Variants in NOL10 observed in about 807,000 individuals in gnomAD.
NOL10 encodes H_NH0074G24.1.
A neutral mutation model predicts 103.5 loss-of-function variants in NOL10; 58 were observed. The ratio of observed to expected loss-of-function variants is 0.56; its 90% CI spans 0.45 to 0.70. The LOEUF (loss-of-function observed/expected upper bound fraction) is 0.70. Among genes scored for constraint, NOL10 ranks in the 30% least tolerant of loss-of-function variants. NOL10 has a pLI of 0.00. For missense variants in NOL10, 763 were observed against 807.3 expected, an observed-to-expected ratio of 0.95 and a Z score of 0.67; for synonymous variants, 287 against 282.5, an observed-to-expected ratio of 1.02 and a Z score of -0.16.
At chr2:10,653,036 A>G (rs1679582989) in intron 12 of NOL10, among the ~76,000 whole-genome samples, 1 of 152,110 alleles carries the variant, frequency 6.6e-6, no homozygotes, top group Admixed American at 6.5e-5. Flanking sequence ...TTTCTACTAA[A>G]AATACAAAAA....
intron 3 of NOL10, among the ~76,000 whole-genome samples, chr2:10,680,289 AAGG>A (rs1681648419): frequency 7.1e-6 from 1 of 140,820 alleles, no homozygotes; most frequent in Non-Finnish European, 1.5e-5. Flanking sequence ...GAAGGAGAAG[AAGG>A]AGAAGAAGGA....
intron 19 of NOL10, among the ~76,000 whole-genome samples, chr2:10,585,910 A>C (rs1486139451): frequency 6.6e-6 from 1 of 152,254 alleles, no homozygotes; most frequent in Non-Finnish European, 1.5e-5. Context: ...TATTGGTTGA[A>C]TTTATGGATA....
chr2:10,687,406 G>T (rs1351030765), intron 1 of NOL10, among the ~76,000 whole-genome samples: 4 of 152,138 alleles, frequency 2.6e-5, no homozygotes, highest in African/African-American at 9.7e-5. Context: ...ACATTTCCCA[G>T]TCTCCCCTTC....
chr2:10,624,431 A>T (rs1460840036), intron 13 of NOL10, among the ~76,000 whole-genome samples: 1 of 152,000 alleles, frequency 6.6e-6, no homozygotes, highest in African/African-American at 2.4e-5. Context: ...AGATATTAAA[A>T]CACAGTTATC....
intron 19 of NOL10, among the ~76,000 whole-genome samples, chr2:10,588,830 T>C (rs1329481727): frequency 6.6e-6 from 1 of 152,192 alleles, no homozygotes; most frequent in East Asian, 1.9e-4. Context: ...TAGAGACCAA[T>C]GTACTTCAAT....
chr2:10,666,855 TA>T (rs764533063), intron 8 of NOL10, among the ~76,000 whole-genome samples: 4 of 152,328 alleles, frequency 2.6e-5, no homozygotes, highest in Non-Finnish European at 4.4e-5. Context: ...ATTCAAGTGT[TA>T]CCTCTGGGGT....
intron 3 of NOL10, among the ~76,000 whole-genome samples, chr2:10,680,329 AGAGGGAGAAGAG>A (rs1449112902): frequency 4.7e-5 from 3 of 63,310 alleles, no homozygotes; most frequent in African/African-American, 6.9e-5. Flanking sequence ...GAGAAGAGGG[AGAGGGAGAAGAG>A]GGAGAGGGAG....
intron 13 of NOL10, among the ~76,000 whole-genome samples, chr2:10,619,611 C>G (rs1276616949): frequency 6.6e-6 from 1 of 151,524 alleles, no homozygotes; most frequent in Non-Finnish European, 1.5e-5. Context: ...GTCTGCTTTT[C>G]ATGAAACACT....
chr2:10,650,150 T>G (rs1240237789), intron 12 of NOL10, among the ~76,000 whole-genome samples: 2 of 152,216 alleles, frequency 1.3e-5, no homozygotes, highest in Non-Finnish European at 2.9e-5. Flanking sequence ...GCTTCTACAA[T>G]TAAAATGTTA....
At chr2:10,680,947 T>C (rs1239240838) in intron 3 of NOL10, among the ~76,000 whole-genome samples, 2 of 152,206 alleles carry the variant, frequency 1.3e-5, no homozygotes, top group East Asian at 3.9e-4. Context: ...TTTTAAAAAT[T>C]AGTACATTAT....
At chr2:10,631,119 C>T (rs926598594) in intron 13 of NOL10, among the ~76,000 whole-genome samples, 15 of 152,148 alleles carry the variant, frequency 9.9e-5, no homozygotes, top group East Asian at 7.7e-4. Flanking sequence ...GGATTCTACA[C>T]GGACACTAAC....
intron 13 of NOL10, among the ~76,000 whole-genome samples, chr2:10,620,899 G>A (rs1200943865): frequency 1.3e-5 from 2 of 152,104 alleles, no homozygotes; most frequent in Non-Finnish European, 2.9e-5. Flanking sequence ...GGGCTCAAGC[G>A]ATGCTCCTGC....
At chr2:10,660,774 G>T (rs931435028) in intron 9 of NOL10, among the ~76,000 whole-genome samples, 2 of 151,890 alleles carry the variant, frequency 1.3e-5, no homozygotes, top group Non-Finnish European at 2.9e-5. Flanking sequence ...TAGATTTTCA[G>T]TTATTCTCCT....
At chr2:10,654,368 A>T in intron 12 of NOL10, 113 bp downstream of exon 12, 1 of 714,526 alleles carries the variant, frequency 1.4e-6, no homozygotes. Flanking sequence ...CTTAAGAAAT[A>T]AAATGGGTTT....
At chr2:10,638,272 A>C (rs1215164190) in intron 13 of NOL10, among the ~76,000 whole-genome samples, 1 of 151,874 alleles carries the variant, frequency 6.6e-6, no homozygotes, top group Admixed American at 6.6e-5. Context: ...GTGACAGAGC[A>C]AGACCCTGTC....
rs1046155126 is a variant in NOL10 at position 10,594,505 on chromosome 2, A to C, written c.1423-4754T>G. On this transcript the variant is annotated intron_variant, in intron 17 of 20. Transcript: ENST00000381685. Reference sequence around the variant, plus strand: ...AGAAAATTCTAGAAGCAACTTCTTCAGGAAGGTAAATAAGCATAAGTCTAA... The same window carrying C: ...AGAAAATTCTAGAAGCAACTTCTTCCGGAAGGTAAATAAGCATAAGTCTAA... Among the ~76,000 whole-genome samples the C allele has an allele frequency of 1.2e-4, 18 of 152,224 alleles. 1 individual carries two copies. The highest frequency in any genetic ancestry group is 4.3e-4 in the African/African-American group (18 of 41,466).
At chr2:10,657,500 C>T (rs1486334083) in intron 11 of NOL10, among the ~76,000 whole-genome samples, 1 of 151,722 alleles carries the variant, frequency 6.6e-6, no homozygotes, top group Non-Finnish European at 1.5e-5. Flanking sequence ...CCTAACTTAA[C>T]ATCTAAAATG....
At chr2:10,603,600 T>C (rs1377263999) in intron 14 of NOL10, among the ~76,000 whole-genome samples, 1 of 152,168 alleles carries the variant, frequency 6.6e-6, no homozygotes, top group Non-Finnish European at 1.5e-5. Flanking sequence ...AAGAACCGTC[T>C]TCCAAGAAAG....
intron 13 of NOL10, among the ~76,000 whole-genome samples, chr2:10,638,447 A>C (rs1678454604): frequency 6.6e-6 from 1 of 150,624 alleles, no homozygotes; most frequent in South Asian, 2.1e-4. Flanking sequence ...AAAGAAAAAA[A>C]CAAAAACAAA....
Sources: allele counts gnomAD v4.1 joint callset (sites outside exome capture counted in the v4.1 genomes callset), GRCh38; gene constraint gnomAD v4.1.1; transcripts MANE v1.5; gene names NCBI Gene and HGNC (gene_info 2026-07-23, HGNC 2026-07-21).